PHACTR1: variants seen among roughly 807,000 people sequenced by gnomAD.
The protein encoded by PHACTR1 is RPEL repeat containing 1.
A neutral mutation model predicts 69.2 loss-of-function variants in PHACTR1; 16 were observed. The ratio of observed to expected loss-of-function variants is 0.23; its 90% CI spans 0.16 to 0.35. The LOEUF (loss-of-function observed/expected upper bound fraction) is 0.35, where lower values mean the gene tolerates loss of function less well. PHACTR1 is among the 10% of genes least tolerant of loss of function. The probability of loss-of-function intolerance (pLI) is 1.00; values close to 1 mark genes in which losing one functional copy is unlikely to be tolerated. For missense variants in PHACTR1, 510 were observed against 734.7 expected, an observed-to-expected ratio of 0.69 and a Z score of 3.54; for synonymous variants, 312 against 284.5, an observed-to-expected ratio of 1.10 and a Z score of -0.97.
chr6:13,209,138 A>T (rs1392445318), intron 8 of PHACTR1, among the ~76,000 whole-genome samples: 8 of 152,066 alleles, frequency 5.3e-5, no homozygotes, highest in Non-Finnish European at 1.2e-4. Context: ...CCAAACAAAG[A>T]TTGGAGAGAT....
intron 4 of PHACTR1, among the ~76,000 whole-genome samples, chr6:13,044,089 TTTTAAA>T (rs1160099269): frequency 6.6e-6 from 1 of 152,048 alleles, no homozygotes; most frequent in Non-Finnish European, 1.5e-5. Flanking sequence ...ACCTGTATAA[TTTTAAA>T]TTTAAATATT....
chr6:13,060,693 G>A (rs1025591161), intron 5 of PHACTR1, among the ~76,000 whole-genome samples: 2 of 152,140 alleles, frequency 1.3e-5, no homozygotes, highest in South Asian at 2.1e-4. Flanking sequence ...GGTAATAAGC[G>A]AGGTTATCTC....
At chr6:13,220,928 C>T (rs1768507754) in intron 8 of PHACTR1, among the ~76,000 whole-genome samples, 1 of 152,146 alleles carries the variant, frequency 6.6e-6, no homozygotes, top group African/African-American at 2.4e-5. Flanking sequence ...TGGAGAGGCT[C>T]ACAGTTAATT....
chr6:12,971,509 G>C lies in PHACTR1; in HGVS notation c.251-81856G>C, dbSNP rs147616872. On this transcript the variant is annotated intron_variant, in intron 4 of 14. Coordinates refer to ENST00000332995, the MANE Select transcript of PHACTR1 (RefSeq NM_030948.6). ...AGCCTGGAAAGGTAAATATGACCCA[G>C]GACAAAAGTCTGCATATTGTATGAG... 1.5e-4 allele frequency among the ~76,000 whole-genome samples: 23 copies of C among 152,248 alleles called. No individual in the cohort carries two copies. The East Asian group carries it at 4.4e-3, about 29-fold the overall frequency.
chr6:12,899,493 T>C (rs1357112931), intron 4 of PHACTR1, among the ~76,000 whole-genome samples: 2 of 152,184 alleles, frequency 1.3e-5, no homozygotes, highest in East Asian at 3.9e-4. Context: ...TGAATAAAAC[T>C]ATAATTAAAA....
intron 4 of PHACTR1, among the ~76,000 whole-genome samples, chr6:13,050,487 T>A (rs1805780157): frequency 6.6e-6 from 1 of 152,210 alleles, no homozygotes; most frequent in Non-Finnish European, 1.5e-5. Context: ...GTAATACTTT[T>A]GTGCATTTTT....
chr6:12,994,816 G>A (rs9463350), intron 4 of PHACTR1, among the ~76,000 whole-genome samples: 3,754 of 152,136 alleles, frequency 0.025, 141 homozygotes, highest in African/African-American at 0.083. Context: ...TTATGTCTGG[G>A]GAAGTGAGGA....
intron 4 of PHACTR1, among the ~76,000 whole-genome samples, chr6:12,936,487 C>T (rs1430851288): frequency 1.3e-5 from 2 of 152,114 alleles, no homozygotes; most frequent in Admixed American, 6.6e-5. Flanking sequence ...ATTTATATGG[C>T]GTTGTTTGCA....
At chr6:13,083,610 T>C (rs1374047981) in intron 5 of PHACTR1, among the ~76,000 whole-genome samples, 2 of 152,162 alleles carry the variant, frequency 1.3e-5, no homozygotes, top group Non-Finnish European at 2.9e-5. Context: ...TTGTATCCTC[T>C]TTTATTTCAT....
At chr6:13,270,910 A>T (rs1777562755) in intron 10 of PHACTR1, among the ~76,000 whole-genome samples, 2 of 152,144 alleles carry the variant, frequency 1.3e-5, no homozygotes, top group Non-Finnish European at 2.9e-5. Flanking sequence ...GGAAACTTCC[A>T]ATCATGGAGG....
At chr6:12,891,887 C>T (rs1784202087) in intron 4 of PHACTR1, among the ~76,000 whole-genome samples, 1 of 152,188 alleles carries the variant, frequency 6.6e-6, no homozygotes, top group African/African-American at 2.4e-5. Context: ...GCTCCAGTTT[C>T]CTTATCTGTA....
rs1773458218 is a variant in PHACTR1, at chr6:13,245,424, ATGT to A, written c.1391+15234_1391+15236del. Among the ~76,000 whole-genome samples the A allele has an allele frequency of 6.6e-6, 1 of 152,180 alleles. No homozygotes were observed. The highest frequency in any genetic ancestry group is 6.5e-5 in the Admixed American group (1 of 15,272). ...ATTTGCATTTCTCTAATAATTAATG[ATGT>A]TGAGCATTTTTTCATGTTTGTTGGC... On this transcript the variant is annotated intron_variant, in intron 10 of 14. Coordinates refer to ENST00000332995, the MANE Select transcript of PHACTR1 (RefSeq NM_030948.6). The surrounding 1 kb of genome is among the most constrained non-coding windows in gnomAD (Gnocchi z 4.1).
intron 5 of PHACTR1, among the ~76,000 whole-genome samples, chr6:13,091,800 C>T (rs565432183): frequency 5.7e-4 from 86 of 151,986 alleles, no homozygotes; most frequent in African/African-American, 2.0e-3. Context: ...CAATAGGGTT[C>T]GCAATTCTTT....
intron 4 of PHACTR1, among the ~76,000 whole-genome samples, chr6:13,007,136 A>G (rs979249206): frequency 1.3e-5 from 2 of 152,210 alleles, no homozygotes; most frequent in African/African-American, 4.8e-5. Flanking sequence ...GCATCATGCT[A>G]TAAATATACC....
intron 4 of PHACTR1, among the ~76,000 whole-genome samples, chr6:12,945,863 T>A (rs1221966774): frequency 1.3e-5 from 2 of 149,992 alleles, no homozygotes; most frequent in African/African-American, 2.5e-5. Context: ...ACTCAGGAGG[T>A]TGAGGCAGGA....
intron 10 of PHACTR1, among the ~76,000 whole-genome samples, chr6:13,234,182 C>A (rs1771647928): frequency 6.6e-6 from 1 of 152,184 alleles, no homozygotes; most frequent in Admixed American, 6.5e-5. Flanking sequence ...ATCCAAGAAC[C>A]AAAAAGTGAC....
chr6:13,019,448 G>A (rs1046613134), intron 4 of PHACTR1, among the ~76,000 whole-genome samples: 5 of 152,206 alleles, frequency 3.3e-5, no homozygotes, highest in Admixed American at 6.5e-5. Flanking sequence ...GATGTTTAAC[G>A]ACCTTGAACA....
chr6:12,998,163 C>A (rs1188463786), intron 4 of PHACTR1, among the ~76,000 whole-genome samples: 1 of 152,050 alleles, frequency 6.6e-6, no homozygotes, highest in Admixed American at 6.6e-5. Flanking sequence ...AATTATTCTC[C>A]ATATTGTAAA....
intron 3 of PHACTR1, among the ~76,000 whole-genome samples, chr6:12,726,959 T>A (rs1475213550): frequency 6.6e-6 from 1 of 152,234 alleles, no homozygotes; most frequent in Non-Finnish European, 1.5e-5. Context: ...CAGATGAGAA[T>A]TTATTTTTTA....
Sources: allele counts gnomAD v4.1 joint callset (sites outside exome capture counted in the v4.1 genomes callset), GRCh38; gene constraint gnomAD v4.1.1; non-coding constraint Gnocchi (gnomAD v3.1); transcripts MANE v1.5; gene names NCBI Gene and HGNC (gene_info 2026-07-23, HGNC 2026-07-21).